Variants in CSMD3 observed in about 807,000 individuals in gnomAD.
CSMD3 encodes the protein CUB and sushi domain-containing protein 3.
Under a neutral mutation model 435.2 loss-of-function variants are expected in CSMD3, and 177 were observed. The observed-to-expected ratio is 0.41, with a 90% CI of 0.36 to 0.46. The LOEUF (loss-of-function observed/expected upper bound fraction) is 0.46. Ranked by LOEUF, CSMD3 falls within the 20% of genes least tolerant of loss-of-function variation. The pLI is 0.34. For missense variants in CSMD3, 4,265 were observed against 4,504.6 expected, an observed-to-expected ratio of 0.95 and a Z score of 1.52; for synonymous variants, 1,656 against 1,520.5, an observed-to-expected ratio of 1.09 and a Z score of -2.07.
intron 13 of CSMD3, among the ~76,000 whole-genome samples, chr8:112,778,557 G>A (rs374725736): frequency 2.6e-5 from 4 of 151,746 alleles, no homozygotes; most frequent in African/African-American, 7.2e-5. Flanking sequence ...TCTTTTTAGC[G>A]CCATAGTTTA....
chr8:112,300,711 T>C (rs1820837312), intron 53 of CSMD3, among the ~76,000 whole-genome samples: 1 of 152,150 alleles, frequency 6.6e-6, no homozygotes. Context: ...TGTGTGCTCT[T>C]ATAAAGAAAT....
intron 9 of CSMD3, among the ~76,000 whole-genome samples, chr8:112,939,945 C>T (rs1265057885): frequency 6.6e-6 from 1 of 151,844 alleles, no homozygotes; most frequent in Non-Finnish European, 1.5e-5. Flanking sequence ...GAAAGAACTG[C>T]CACAGATGTA....
chr8:112,368,050 C>T (rs528824714), intron 38 of CSMD3, among the ~76,000 whole-genome samples: 125 of 152,210 alleles, frequency 8.2e-4, no homozygotes, highest in Admixed American at 3.9e-3. Flanking sequence ...GTCACATGGC[C>T]ATCAAATGGC....
intron 4 of CSMD3, among the ~76,000 whole-genome samples, chr8:113,152,504 G>C (rs1192360111): frequency 6.6e-6 from 1 of 152,020 alleles, no homozygotes; most frequent in Non-Finnish European, 1.5e-5. Context: ...TGGTGACAAT[G>C]TTCCAGGAGT....
rs779113113 is a variant in CSMD3 at position 112,318,820 on chromosome 8, T to C, written c.7360+17A>G. The C allele has an allele frequency of 7.5e-5, 113 of 1,502,680 alleles. No individual in the cohort carries two copies. Among genetic ancestry groups the C allele is most frequent in the Middle Eastern group, 6.8e-4 (4 of 5,876 alleles). 93.1% of individuals were successfully genotyped at this position (1,502,680 alleles called of 1,614,324 possible). ...CAAATATTTAAGAAATAAATAATCA[T>C]AGGAACCATTGAATACCTTGACAAA... is the stretch of plus-strand genomic sequence containing the variant. On this transcript the variant is annotated intron_variant, in intron 47 of 70. Transcript: ENST00000297405.
At chr8:112,573,750 T>C (rs1033388413) in intron 23 of CSMD3, 93 bp from the exon 24 acceptor site, 8 of 1,031,822 alleles carry the variant, frequency 7.8e-6, no homozygotes, top group Non-Finnish European at 1.0e-5. Context: ...AAAAGTGTAC[T>C]TTTTCTAAAT....
intron 4 of CSMD3, among the ~76,000 whole-genome samples, chr8:113,153,054 GAGAAAAA>G (rs1169730643): frequency 4.0e-5 from 5 of 123,662 alleles, no homozygotes; most frequent in Non-Finnish European, 8.8e-5. Flanking sequence ...GAAAAGAAGA[GAGAAAAA>G]AGAAAAAAGA....
chr8:112,626,701 A>G (rs2131540362), intron 22 of CSMD3, among the ~76,000 whole-genome samples: 1 of 152,274 alleles, frequency 6.6e-6, no homozygotes, highest in Middle Eastern at 3.4e-3. Flanking sequence ...GATCTAATTC[A>G]GTTATAAGCA....
rs1458048491 is a variant in CSMD3, at chr8:112,711,053, C to CAATA, written c.1973-21007_1973-21004dup. Among the ~76,000 whole-genome samples the CAATA allele has an allele frequency of 2.0e-5, 3 of 151,822 alleles. No homozygotes were observed. The East Asian group carries it at 5.8e-4, about 29-fold the overall frequency. On this transcript the variant is annotated intron_variant, in intron 13 of 70. Transcript: ENST00000297405. ...GCTGTTGATTCACAGAAAGAAAGAG[C>CAATA]AATAAATAAATAAATATTTCTTATT... is the stretch of plus-strand genomic sequence containing the variant.
chr8:112,565,817 T>TA (rs1348250162), intron 24 of CSMD3, among the ~76,000 whole-genome samples: 1 of 152,028 alleles, frequency 6.6e-6, no homozygotes, highest in Non-Finnish European at 1.5e-5. Context: ...TTTTACAAAA[T>TA]AAAAGTAGTA....
intron 5 of CSMD3, among the ~76,000 whole-genome samples, chr8:113,062,391 T>A (rs1476696730): frequency 6.6e-6 from 1 of 151,922 alleles, no homozygotes; most frequent in East Asian, 1.9e-4. Context: ...TATTGCACTA[T>A]AGAAACAGTT....
chr8:113,328,772 T>C (rs544319262), intron 1 of CSMD3, among the ~76,000 whole-genome samples: 1 of 131,218 alleles, frequency 7.6e-6, no homozygotes, highest in Admixed American at 8.1e-5. Context: ...TACAGGGTCT[T>C]ACTGTCACCC....
chr8:113,415,093 A>G (rs2094576218), intron 1 of CSMD3, among the ~76,000 whole-genome samples: 1 of 152,214 alleles, frequency 6.6e-6, no homozygotes, highest in Non-Finnish European at 1.5e-5. Flanking sequence ...CGAAGAAGCT[A>G]TGTTGCAATT....
At chr8:112,346,055 A>G (rs1318982084) in intron 41 of CSMD3, 42 bp downstream of exon 41, 1 of 1,031,944 alleles carries the variant, frequency 9.7e-7, no homozygotes, top group South Asian at 1.3e-5. Context: ...GGCTACATTA[A>G]TAAATATTGA....
rs538574376 is a variant in CSMD3, at chr8:112,833,566, T to G, written c.1756-3777A>C. Among the ~76,000 whole-genome samples, 17 of 152,150 alleles carry G rather than the reference T, an allele frequency of 1.1e-4. No individual in the cohort carries two copies. The South Asian group carries it at 2.9e-3, about 26-fold the overall frequency. On this transcript the variant is annotated intron_variant, in intron 11 of 70. Coordinates refer to ENST00000297405, the MANE Select transcript of CSMD3 (RefSeq NM_198123.2). ...ATATTTTAGGTTCTTCCTTTCCAAA[T>G]TATGTAATTTTAAAATCTTAACTTT...
intron 32 of CSMD3, among the ~76,000 whole-genome samples, chr8:112,423,944 A>T (rs1349863029): frequency 6.6e-6 from 1 of 152,186 alleles, no homozygotes; most frequent in Non-Finnish European, 1.5e-5. Context: ...AAATTACTTA[A>T]TATGCTATAA....
At chr8:113,155,360 A>AT (rs2091909924) in intron 4 of CSMD3, among the ~76,000 whole-genome samples, 1 of 152,050 alleles carries the variant, frequency 6.6e-6, no homozygotes, top group Non-Finnish European at 1.5e-5. Context: ...AACGCTTGAC[A>AT]TATACATAGA....
intron 2 of CSMD3, chr8:113,312,947 AAG>A (rs1465328905): frequency 1.3e-5 from 2 of 152,218 alleles, no homozygotes; most frequent in African/African-American, 4.8e-5. Flanking sequence ...GAAAAAAAGA[AAG>A]AAAAATAGAA....
In CSMD3 at chr8:113,291,365, T is replaced by C. The variant is rs79838291; in HGVS notation, c.402-12661A>G. Among the ~76,000 whole-genome samples, 458 of 151,962 alleles carry C rather than the reference T, an allele frequency of 3.0e-3. 15 individuals are homozygous for C. In the East Asian group the frequency reaches 0.058, roughly 19 times the overall value. ...ATATTTCAATCATTTAACATTTTCA[T>C]GATAACTACGATAGGACTTCATTGG... On this transcript the variant is annotated intron_variant, in intron 2 of 70. Transcript: ENST00000297405.
Sources: gnomAD v4.1 joint callset for allele counts (sites outside exome capture counted in the v4.1 genomes callset) on GRCh38, gnomAD v4.1.1 for gene constraint, MANE v1.5 for transcripts, NCBI Gene and HGNC (gene_info 2026-07-23, HGNC 2026-07-21) for gene names.